LIMK2: variants seen among roughly 807,000 people sequenced by gnomAD.
LIMK2 encodes LIM domain kinase 2.
A neutral mutation model predicts 75.7 loss-of-function variants in LIMK2; 35 were observed. The observed-to-expected ratio is 0.46, with a 90% CI of 0.35 to 0.61. The LOEUF is 0.61. LIMK2 is among the 20% of genes least tolerant of loss of function. The pLI, the probability that LIMK2 is intolerant of heterozygous loss-of-function variation, is 0.00. For synonymous variants in LIMK2, 301 were observed against 319.2 expected, an observed-to-expected ratio of 0.94 and a Z score of 0.61; for missense variants, 623 against 831.0, an observed-to-expected ratio of 0.75 and a Z score of 3.08.
At position 31,262,382 on chromosome 22, in the gene LIMK2, T is replaced by C; in HGVS notation, c.657+143T>C. 1.2e-6 allele frequency: 1 copy of C among 818,908 alleles called. No individual in the cohort carries two copies. The allele number at this position is 818,908 out of a possible 1,614,324, so 50.7% of individuals were successfully genotyped here. On this transcript the variant is annotated intron_variant, in intron 6 of 15. Coordinates refer to ENST00000331728, the MANE Select transcript of LIMK2 (RefSeq NM_005569.4). This position sits in a 1 kb window ranked among gnomAD's most constrained non-coding sequence, Gnocchi z 5.0. ...AGCCTGTGACCACTGGTGACCTATT[T>C]CAGCGTAACAGGTTCCCAGGGTAGC...
chr22:31,232,461 G>A (rs1044955421), intron 2 of LIMK2, among the ~76,000 whole-genome samples: 5 of 152,102 alleles, frequency 3.3e-5, no homozygotes, highest in Non-Finnish European at 7.4e-5. Flanking sequence ...TAATGTGAAG[G>A]ATTAGCAGCA....
At chr22:31,233,549 C>T (rs2048546065) in intron 2 of LIMK2, among the ~76,000 whole-genome samples, 1 of 152,208 alleles carries the variant, frequency 6.6e-6, no homozygotes, top group Non-Finnish European at 1.5e-5. Flanking sequence ...CATTGTCCTC[C>T]ACACACTGAT....
intron 15 of LIMK2, among the ~76,000 whole-genome samples, chr22:31,277,900 A>G (rs2049048570): frequency 6.6e-6 from 1 of 152,200 alleles, no homozygotes; most frequent in Non-Finnish European, 1.5e-5. Context: ...CTGAGGTGAC[A>G]TGACATTTAA....
chr22:31,267,948 T>C, intron 10 of LIMK2, 41 bp downstream of exon 10: 5 of 1,572,612 alleles, frequency 3.2e-6, no homozygotes, highest in Non-Finnish European at 4.3e-6. Flanking sequence ...CCTTGGTGGG[T>C]TGTCAGACAC....
intron 9 of LIMK2, among the ~76,000 whole-genome samples, chr22:31,267,378 A>G (rs2048906299): frequency 6.6e-6 from 1 of 152,226 alleles, no homozygotes; most frequent in Non-Finnish European, 1.5e-5. Context: ...ACTCAATGTT[A>G]TAATCCTCAC....
At chr22:31,251,209 A>G (rs1462022411) in intron 2 of LIMK2, among the ~76,000 whole-genome samples, 1 of 152,242 alleles carries the variant, frequency 6.6e-6, no homozygotes, top group Non-Finnish European at 1.5e-5. Flanking sequence ...GGACATCTTT[A>G]AAGCATTTTT....
At chr22:31,259,704 A>G (rs2048818618) in intron 4 of LIMK2, among the ~76,000 whole-genome samples, 185 bp from the exon 5 acceptor site, 2 of 152,070 alleles carry the variant, frequency 1.3e-5, no homozygotes, top group South Asian at 4.1e-4. Context: ...CTAGCTCAGC[A>G]CCCCCAGTCC....
chr22:31,223,190 A>C (rs771200335), intron 1 of LIMK2, among the ~76,000 whole-genome samples: 15 of 152,188 alleles, frequency 9.9e-5, no homozygotes, highest in Non-Finnish European at 2.2e-4. Flanking sequence ...ATATGAGAGG[A>C]GAGAGTAGAG....
chr22:31,237,579 G>A (rs1417545958), intron 2 of LIMK2, among the ~76,000 whole-genome samples: 1 of 151,650 alleles, frequency 6.6e-6, no homozygotes, highest in African/African-American at 2.4e-5. Context: ...AGAAGAAATG[G>A]AGATACAAAC....
At chr22:31,218,399 T>C (rs1268355608) in intron 1 of LIMK2, among the ~76,000 whole-genome samples, 8 of 152,202 alleles carry the variant, frequency 5.3e-5, no homozygotes, top group African/African-American at 1.9e-4. Flanking sequence ...GTCTGTGCCT[T>C]AACCTGAAAA....
In LIMK2 at chr22:31,262,474, G is replaced by A; in HGVS notation, c.658-121G>A. 1 of 1,012,748 alleles carries A rather than the reference G, an allele frequency of 9.9e-7. No homozygotes were observed. Among genetic ancestry groups the A allele is most frequent in the African/African-American group, 1.6e-5 (1 of 62,436 alleles). The allele number at this position is 1,012,748 out of a possible 1,614,324, so 62.7% of individuals were successfully genotyped here. On this transcript the variant is annotated intron_variant, in intron 6 of 15. Transcript: ENST00000331728. This position sits in a 1 kb window ranked among gnomAD's most constrained non-coding sequence, Gnocchi z 5.0. ...AGAGGGCACTGTGAGGCCACTGGCA[G>A]CTAAAGGCCACCATTAGACAAGTTG...
intron 2 of LIMK2, among the ~76,000 whole-genome samples, chr22:31,228,021 C>CAT (rs71319172): frequency 6.8e-6 from 1 of 147,534 alleles, no homozygotes; most frequent in Non-Finnish European, 1.5e-5. Flanking sequence ...TCTGTGCGTG[C>CAT]GTGTGTGTGT....
At chr22:31,250,327 C>T (rs2048712661) in intron 2 of LIMK2, among the ~76,000 whole-genome samples, 1 of 152,126 alleles carries the variant, frequency 6.6e-6, no homozygotes, top group East Asian at 1.9e-4. Context: ...GAACTATACC[C>T]CTTTTACCCT....
intron 2 of LIMK2, among the ~76,000 whole-genome samples, chr22:31,226,632 CAG>C (rs1247431106): frequency 2.9e-5 from 3 of 102,812 alleles, no homozygotes; most frequent in Admixed American, 9.4e-5. Context: ...ATTATTGAGA[CAG>C]AGTCTCGCTC....
intron 4 of LIMK2, among the ~76,000 whole-genome samples, 166 bp from the exon 5 acceptor site, chr22:31,259,723 C>A (rs566515989): frequency 1.3e-5 from 2 of 152,206 alleles, no homozygotes; most frequent in Non-Finnish European, 2.9e-5. Flanking sequence ...CCCAGCCCAC[C>A]CTGAGAACCC....
chr22:31,261,014 C>G (rs980018779), intron 5 of LIMK2, among the ~76,000 whole-genome samples: 1 of 152,188 alleles, frequency 6.6e-6, no homozygotes, highest in African/African-American at 2.4e-5. Flanking sequence ...GGTATAGAGA[C>G]TAGTTAGGAA....
chr22:31,271,693 A>ACCGGCTGGC (rs2048958748), intron 12 of LIMK2, among the ~76,000 whole-genome samples: 1 of 152,072 alleles, frequency 6.6e-6, no homozygotes, highest in Admixed American at 6.5e-5. Flanking sequence ...CTGGGTGTCT[A>ACCGGCTGGC]CCGGCTGGCC....
At position 31,267,774 on chromosome 22, in the gene LIMK2, A is replaced by AGTGGG. The variant is rs1569000517; in HGVS notation, c.1129-1_1129insTGGGG. The AGTGGG allele has an allele frequency of 3.8e-6, 6 of 1,587,144 alleles. No homozygotes were observed. The highest frequency in any genetic ancestry group is 5.1e-6 in the Non-Finnish European group (6 of 1,170,070). Reference sequence around the variant, plus strand: ...GCTTTCCTTGGCTTCCCCCACCCCCAGGTGAAAGTGATGCGCAGCCTGGAC... The same window carrying AGTGGG: ...GCTTTCCTTGGCTTCCCCCACCCCCAGTGGGGGTGAAAGTGATGCGCAGCCTGGAC... On this transcript the variant is annotated splice_acceptor_variant, in intron 9 of 15. Coordinates refer to ENST00000331728, the MANE Select transcript of LIMK2 (RefSeq NM_005569.4). LOFTEE classifies it high-confidence loss of function.
intron 2 of LIMK2, among the ~76,000 whole-genome samples, chr22:31,233,453 T>G (rs2048545368): frequency 6.6e-6 from 1 of 152,214 alleles, no homozygotes; most frequent in African/African-American, 2.4e-5. Flanking sequence ...TGCTTATCCT[T>G]CTTTGTCCAG....
Sources: gnomAD v4.1 joint callset for allele counts (sites outside exome capture counted in the v4.1 genomes callset) on GRCh38, gnomAD v4.1.1 for gene constraint, Gnocchi (gnomAD v3.1) non-coding constraint, MANE v1.5 for transcripts, NCBI Gene and HGNC (gene_info 2026-07-23, HGNC 2026-07-21) for gene names.